The following EPHA3 variants were observed in gnomAD, a reference collection of about 807,000 sequenced individuals.
The protein encoded by EPHA3 is ephrin type-A receptor 3.
A neutral mutation model predicts 107.1 loss-of-function variants in EPHA3; 42 were observed. The observed-to-expected ratio is 0.39, with a 90% CI of 0.31 to 0.51. EPHA3 has a LOEUF of 0.51. Among genes scored for constraint, EPHA3 ranks in the 20% least tolerant of loss-of-function variants. The probability of loss-of-function intolerance (pLI) is 0.78; values close to 1 mark genes in which losing one functional copy is unlikely to be tolerated. For synonymous variants in EPHA3, 461 were observed against 424.8 expected (o/e 1.09, Z -1.05); for missense variants, 1,183 against 1,211.2 (o/e 0.98, Z 0.35).
intron 5 of EPHA3, among the ~76,000 whole-genome samples, chr3:89,378,208 C>T (rs1338062065): frequency 6.6e-6 from 1 of 151,598 alleles, no homozygotes; most frequent in Non-Finnish European, 1.5e-5. Context: ...ACGTGTATAC[C>T]TATGCAACAA....
At chr3:89,438,577 T>G (rs1335881738) in intron 13 of EPHA3, among the ~76,000 whole-genome samples, 1 of 152,132 alleles carries the variant, frequency 6.6e-6, no homozygotes. Flanking sequence ...AAAAAAACCA[T>G]GCTTATCAAA....
In EPHA3 at chr3:89,319,971, A is replaced by G. The variant is rs145435917; in HGVS notation, c.815-20945A>G. 7.0e-3 allele frequency among the ~76,000 whole-genome samples: 1,064 copies of G among 152,004 alleles called. 7 individuals carry two copies. Among genetic ancestry groups the G allele is most frequent in the African/African-American group, 0.024 (1,009 of 41,506 alleles). On this transcript the variant is annotated intron_variant, in intron 3 of 16. Coordinates refer to ENST00000336596, the MANE Select transcript of EPHA3 (RefSeq NM_005233.6). ...ATAACAGAACAAAGTGGTATTTATA[A>G]ATGCCTTACAGGTACCTACAGGCAA...
At chr3:89,394,869 T>A (rs1280527507) in intron 5 of EPHA3, among the ~76,000 whole-genome samples, 1 of 152,216 alleles carries the variant, frequency 6.6e-6, no homozygotes, top group Non-Finnish European at 1.5e-5. Flanking sequence ...TGCATTCCAT[T>A]AAGGCAGGGT....
At chr3:89,283,744 T>C (rs1156251557) in intron 3 of EPHA3, among the ~76,000 whole-genome samples, 1 of 152,164 alleles carries the variant, frequency 6.6e-6, no homozygotes, top group Admixed American at 6.5e-5. Context: ...AGAGAATTGA[T>C]GTTCTATAAA....
At chr3:89,236,094 G>T (rs935032394) in intron 3 of EPHA3, among the ~76,000 whole-genome samples, 1 of 151,906 alleles carries the variant, frequency 6.6e-6, no homozygotes, top group Non-Finnish European at 1.5e-5. Context: ...ATATTTCAAG[G>T]ATTGAAGAAG....
At chr3:89,459,723 G>C (rs1317157021) in intron 15 of EPHA3, among the ~76,000 whole-genome samples, 1 of 151,998 alleles carries the variant, frequency 6.6e-6, no homozygotes, top group Non-Finnish European at 1.5e-5. Context: ...GGGTTTCACC[G>C]TGTTGACCAG....
intron 7 of EPHA3, among the ~76,000 whole-genome samples, chr3:89,406,690 CAG>C (rs970176329): frequency 2.6e-5 from 4 of 152,164 alleles, no homozygotes; most frequent in East Asian, 1.9e-4. Flanking sequence ...TGTACAAAAA[CAG>C]GGGACGGGCA....
chr3:89,324,255 C>G (rs375774396), intron 3 of EPHA3, among the ~76,000 whole-genome samples: 4 of 150,706 alleles, frequency 2.7e-5, no homozygotes, highest in African/African-American at 9.7e-5. Flanking sequence ...GCAACCTCCA[C>G]TTCCCAGGTT....
At chr3:89,114,158 T>C (rs1462331734) in intron 1 of EPHA3, among the ~76,000 whole-genome samples, 1 of 151,978 alleles carries the variant, frequency 6.6e-6, no homozygotes, top group African/African-American at 2.4e-5. Flanking sequence ...TGGACAGGAG[T>C]AGCCACAGGA....
At chr3:89,477,971 CAG>C (rs763894879) in intron 16 of EPHA3, among the ~76,000 whole-genome samples, 1 of 151,814 alleles carries the variant, frequency 6.6e-6, no homozygotes, top group Non-Finnish European at 1.5e-5. Context: ...GAAAAGAAAA[CAG>C]AAAGTGCAGA....
At chr3:89,201,862 G>A (rs1013369876) in intron 2 of EPHA3, among the ~76,000 whole-genome samples, 2 of 152,014 alleles carry the variant, frequency 1.3e-5, no homozygotes, top group African/African-American at 2.4e-5. Context: ...AGAATCTATC[G>A]AGGATGTTAA....
At chr3:89,175,701 A>G (rs1371088938) in intron 2 of EPHA3, among the ~76,000 whole-genome samples, 2 of 152,158 alleles carry the variant, frequency 1.3e-5, no homozygotes, top group Non-Finnish European at 2.9e-5. Flanking sequence ...TTTGATTTAT[A>G]CAAGTTAATT....
chr3:89,383,324 T>C (rs1267901568), intron 5 of EPHA3, among the ~76,000 whole-genome samples: 2 of 152,244 alleles, frequency 1.3e-5, no homozygotes, highest in Non-Finnish European at 2.9e-5. Context: ...AACCCAAGAA[T>C]AGCCTTTCCG....
rs1704257930 is a variant in EPHA3, at chr3:89,217,997, C to T, written c.814+7477C>T. Among the ~76,000 whole-genome samples, 4 of 152,214 alleles carry T rather than the reference C, an allele frequency of 2.6e-5. No homozygotes were observed. In the South Asian group the frequency reaches 8.3e-4, roughly 32 times the overall value. ...ATTTAGATTCATTTACTGTTTATCT[C>T]ATACTTCTACATTGAATATAAAATA... On this transcript the variant is annotated intron_variant, in intron 3 of 16. Transcript: ENST00000336596.
chr3:89,459,525 C>T (rs1201272326), intron 15 of EPHA3, among the ~76,000 whole-genome samples: 1 of 148,782 alleles, frequency 6.7e-6, no homozygotes, highest in Non-Finnish European at 1.5e-5. Flanking sequence ...TTCCTTCCTT[C>T]GTTCCTTCCT....
At chr3:89,141,492 G>A (rs1704430088) in intron 2 of EPHA3, among the ~76,000 whole-genome samples, 2 of 151,502 alleles carry the variant, frequency 1.3e-5, no homozygotes, top group African/African-American at 2.4e-5. Flanking sequence ...TGCATGTCTT[G>A]GTTTCTCCTA....
At chr3:89,143,364 T>C (rs1014206410) in intron 2 of EPHA3, among the ~76,000 whole-genome samples, 2 of 151,486 alleles carry the variant, frequency 1.3e-5, no homozygotes, top group African/African-American at 4.8e-5. Context: ...TTCTAGGTGA[T>C]TAAGAATCAG....
chr3:89,281,117 A>C (rs1023375713), intron 3 of EPHA3, among the ~76,000 whole-genome samples: 1 of 151,874 alleles, frequency 6.6e-6, no homozygotes, highest in Non-Finnish European at 1.5e-5. Context: ...TCTGCCTCCC[A>C]GGTTCAAGTA....
intron 3 of EPHA3, among the ~76,000 whole-genome samples, chr3:89,230,905 C>T (rs1704617830): frequency 6.6e-6 from 1 of 151,508 alleles, no homozygotes; most frequent in South Asian, 2.1e-4. Context: ...AGACTATGGG[C>T]TTTGTTTTGA....
Sources: gnomAD v4.1 joint callset for allele counts (sites outside exome capture counted in the v4.1 genomes callset) on GRCh38, gnomAD v4.1.1 for gene constraint, MANE v1.5 for transcripts, NCBI Gene and HGNC (gene_info 2026-07-23, HGNC 2026-07-21) for gene names.